CLEC16A: variants seen among roughly 807,000 people sequenced by gnomAD.
The protein encoded by CLEC16A is protein CLEC16A.
A neutral mutation model predicts 109.5 loss-of-function variants in CLEC16A; 51 were observed. That is an observed-to-expected ratio of 0.47 (90% CI 0.37 to 0.59). CLEC16A has a LOEUF of 0.59. Among genes scored for constraint, CLEC16A ranks in the 20% least tolerant of loss-of-function variants. The probability of loss-of-function intolerance (pLI) is 0.00; values close to 1 mark genes in which losing one functional copy is unlikely to be tolerated. For missense variants in CLEC16A, 1,339 were observed against 1,394.0 expected (o/e 0.96, Z 0.63); for synonymous variants, 673 against 564.2 (o/e 1.19, Z -2.73).
At chr16:10,989,091 T>C (rs1429702576) in intron 10 of CLEC16A, among the ~76,000 whole-genome samples, 6 of 152,154 alleles carry the variant, frequency 3.9e-5, no homozygotes, top group African/African-American at 9.7e-5. Context: ...GAAACACCAA[T>C]GTTAGCCATT....
intron 19 of CLEC16A, among the ~76,000 whole-genome samples, chr16:11,086,230 G>A (rs1044267520): frequency 1.3e-5 from 2 of 152,200 alleles, no homozygotes; most frequent in Non-Finnish European, 2.9e-5. Context: ...GCCCTGGGCT[G>A]ACAGTGGAGG....
At chr16:11,111,062 T>C (rs979389224) in intron 19 of CLEC16A, among the ~76,000 whole-genome samples, 1 of 152,120 alleles carries the variant, frequency 6.6e-6, no homozygotes, top group Admixed American at 6.5e-5. Context: ...CCTGAGTTGT[T>C]TCTCTAGGCC....
chr16:10,989,922 C>G (rs191479044), intron 10 of CLEC16A, among the ~76,000 whole-genome samples: 1 of 152,182 alleles, frequency 6.6e-6, no homozygotes, highest in East Asian at 1.9e-4. Context: ...CCGAGTCTCC[C>G]GTGTGCTGAA....
At chr16:11,098,340 T>G (rs1448890889) in intron 19 of CLEC16A, among the ~76,000 whole-genome samples, 1 of 152,236 alleles carries the variant, frequency 6.6e-6, no homozygotes, top group Non-Finnish European at 1.5e-5. Flanking sequence ...ACGCCGAGGA[T>G]GCAGAAAGGG....
At chr16:10,970,867 C>G (rs1379546655) in intron 4 of CLEC16A, among the ~76,000 whole-genome samples, 2 of 152,256 alleles carry the variant, frequency 1.3e-5, no homozygotes, top group East Asian at 1.9e-4. Flanking sequence ...CCACCTCAGC[C>G]TCTCCCAAGT....
chr16:11,069,329 A>G (rs1489483244), intron 19 of CLEC16A, among the ~76,000 whole-genome samples: 5 of 152,046 alleles, frequency 3.3e-5, no homozygotes, highest in East Asian at 3.9e-4. Flanking sequence ...GGGTTTCACT[A>G]TGTTGCCCAG....
intron 19 of CLEC16A, among the ~76,000 whole-genome samples, chr16:11,098,791 T>G (rs1014145053): frequency 6.6e-6 from 1 of 152,182 alleles, no homozygotes; most frequent in Non-Finnish European, 1.5e-5. Flanking sequence ...GAGTAACTTT[T>G]CAACTCCTTC....
intron 22 of CLEC16A, among the ~76,000 whole-genome samples, chr16:11,140,872 A>C (rs558833199): frequency 6.6e-6 from 1 of 152,320 alleles, no homozygotes; most frequent in Admixed American, 6.5e-5. Flanking sequence ...GATGTCAGGA[A>C]GTTCTGTGAA....
At chr16:10,944,857 C>T (rs2041263698) in intron 1 of CLEC16A, 60 bp downstream of exon 1, 1 of 1,452,920 alleles carries the variant, frequency 6.9e-7, no homozygotes, top group African/African-American at 1.4e-5. Context: ...GGGCGCCGAG[C>T]TCCGGGTCGG....
intron 18 of CLEC16A, among the ~76,000 whole-genome samples, chr16:11,053,461 C>A (rs2048053890): frequency 6.6e-6 from 1 of 151,972 alleles, no homozygotes; most frequent in Admixed American, 6.6e-5. Flanking sequence ...CACTCTGCCC[C>A]CTGGGGTCAA....
intron 22 of CLEC16A, among the ~76,000 whole-genome samples, chr16:11,165,625 G>T (rs1195545046): frequency 6.6e-6 from 1 of 152,190 alleles, no homozygotes; most frequent in Non-Finnish European, 1.5e-5. Context: ...GGTTGTGGCT[G>T]GGAAAGACTC....
At chr16:10,952,367 G>A (rs1283846280) in intron 1 of CLEC16A, among the ~76,000 whole-genome samples, 6 of 152,144 alleles carry the variant, frequency 3.9e-5, no homozygotes, top group South Asian at 2.1e-4. Flanking sequence ...GGTGGCCTGC[G>A]CCTATAAACT....
intron 11 of CLEC16A, among the ~76,000 whole-genome samples, chr16:11,013,562 C>T (rs578201081): frequency 7.2e-5 from 11 of 151,980 alleles, no homozygotes; most frequent in African/African-American, 1.5e-4. Context: ...GTCAGGAGTT[C>T]GAGACCAACC....
At chr16:11,087,052 G>C (rs1413801725) in intron 19 of CLEC16A, among the ~76,000 whole-genome samples, 1 of 152,210 alleles carries the variant, frequency 6.6e-6, no homozygotes, top group Admixed American at 6.5e-5. Context: ...GCAAGATGGA[G>C]TAAGTTAAGC....
chr16:11,011,119 A>G (rs2045386722), intron 11 of CLEC16A, among the ~76,000 whole-genome samples: 1 of 152,172 alleles, frequency 6.6e-6, no homozygotes, highest in African/African-American at 2.4e-5. Context: ...TTCCCAACTA[A>G]TAAGCAGTCC....
chr16:11,172,199 C>T (rs1567418756), intron 23 of CLEC16A, among the ~76,000 whole-genome samples: 1 of 152,218 alleles, frequency 6.6e-6, no homozygotes, highest in African/African-American at 2.4e-5. Flanking sequence ...TAGTCACACT[C>T]ACATACACAG....
chr16:11,149,730 A>G (rs2054218713), intron 22 of CLEC16A, among the ~76,000 whole-genome samples: 1 of 152,054 alleles, frequency 6.6e-6, no homozygotes, highest in Non-Finnish European at 1.5e-5. Flanking sequence ...CAGAGGTTGC[A>G]GTGAGCCAAG....
chr16:11,033,893 C>T (rs11860851), intron 13 of CLEC16A, among the ~76,000 whole-genome samples: 31,724 of 152,102 alleles, frequency 0.21, 4,532 homozygotes, highest in African/African-American at 0.41. Context: ...ATGCAGCCTT[C>T]GCTCTTCTAT....
At chr16:11,112,958 G>T (rs558518129) in intron 19 of CLEC16A, among the ~76,000 whole-genome samples, 16 of 152,274 alleles carry the variant, frequency 1.1e-4, no homozygotes, top group African/African-American at 3.1e-4. Flanking sequence ...TCTTGGTGGG[G>T]GCCAAGCCTC....
Sources: allele counts gnomAD v4.1 joint callset (sites outside exome capture counted in the v4.1 genomes callset), GRCh38; gene constraint gnomAD v4.1.1; transcripts MANE v1.5; gene names NCBI Gene and HGNC (gene_info 2026-07-23, HGNC 2026-07-21).